Variants in ADGRL3 observed in about 807,000 individuals in gnomAD.
ADGRL3 encodes the protein calcium-independent alpha-latrotoxin receptor 3.
ADGRL3 carries 62 observed loss-of-function variants against 153.5 expected under a neutral mutation model. The ratio of observed to expected loss-of-function variants is 0.40; its 90% CI spans 0.33 to 0.50. The LOEUF (loss-of-function observed/expected upper bound fraction) is 0.50, where lower values mean the gene tolerates loss of function less well. Ranked by LOEUF, ADGRL3 falls within the 20% of genes least tolerant of loss-of-function variation. The pLI is 0.47. For missense variants in ADGRL3, 1,641 were observed against 1,859.4 expected (o/e 0.88, Z 2.16); for synonymous variants, 710 against 672.5 (o/e 1.06, Z -0.86).
intron 8 of ADGRL3, among the ~76,000 whole-genome samples, chr4:61,769,304 G>A (rs1377188783): frequency 1.3e-5 from 2 of 152,068 alleles, no homozygotes; most frequent in African/African-American, 4.8e-5. Context: ...AGAGAAGGGA[G>A]AGATTGAAGT....
At chr4:61,281,099 C>A (rs1177250016) in intron 1 of ADGRL3, among the ~76,000 whole-genome samples, 1 of 151,768 alleles carries the variant, frequency 6.6e-6, no homozygotes, top group Non-Finnish European at 1.5e-5. Context: ...CATATATATA[C>A]ATATATATGC....
intron 8 of ADGRL3, among the ~76,000 whole-genome samples, chr4:61,797,355 T>C (rs950889252): frequency 6.6e-6 from 1 of 152,198 alleles, no homozygotes; most frequent in African/African-American, 2.4e-5. Context: ...AAGGTGTTTC[T>C]AAAGGATCCT....
intron 23 of ADGRL3, among the ~76,000 whole-genome samples, chr4:62,035,845 T>C (rs1465786152): frequency 1.3e-5 from 2 of 152,114 alleles, no homozygotes; most frequent in African/African-American, 4.8e-5. Flanking sequence ...TTTACTCTCA[T>C]TGCTTAACCC....
At position 61,830,870 on chromosome 4, in the gene ADGRL3, T is replaced by C. The variant is rs572656706; in HGVS notation, c.1480+16981T>C. Among the ~76,000 whole-genome samples, 9 of 152,280 alleles carry C rather than the reference T, an allele frequency of 5.9e-5. No homozygotes were observed. In the South Asian group the frequency reaches 1.9e-3, roughly 32 times the overall value. ...GACCTAGCTTTATTCCTCCTAGTTCTAGCTTTATTATTTTGTTTTATTTTA... is the reference window on the plus strand; with the variant it reads ...GACCTAGCTTTATTCCTCCTAGTTCCAGCTTTATTATTTTGTTTTATTTTA... On this transcript the variant is annotated intron_variant, in intron 9 of 26. Transcript: ENST00000683033.
At chr4:61,678,003 T>A (rs1497896) in intron 6 of ADGRL3, among the ~76,000 whole-genome samples, 55,651 of 151,862 alleles carry the variant, frequency 0.37, 11,717 homozygotes, top group Non-Finnish European at 0.49. Context: ...AAAGTTTATC[T>A]TGTGAAGTTT....
At chr4:61,488,549 G>A (rs1479883758) in intron 2 of ADGRL3, among the ~76,000 whole-genome samples, 1 of 151,936 alleles carries the variant, frequency 6.6e-6, no homozygotes, top group African/African-American at 2.4e-5. Context: ...CAAAGTTCTA[G>A]TGCAAGTGTC....
At chr4:61,575,133 T>C (rs181531867) in intron 4 of ADGRL3, among the ~76,000 whole-genome samples, 1 of 152,036 alleles carries the variant, frequency 6.6e-6, no homozygotes, top group African/African-American at 2.4e-5. Flanking sequence ...TTACTCTTTT[T>C]TGGTTTGAAT....
At chr4:61,677,518 T>G (rs1452947742) in intron 6 of ADGRL3, 1 of 160,180 alleles carries the variant, frequency 6.2e-6, no homozygotes, top group Non-Finnish European at 1.4e-5. Flanking sequence ...ACAACATGTC[T>G]TTTCTTCAGG....
chr4:61,373,651 T>A (rs577511172), intron 1 of ADGRL3, among the ~76,000 whole-genome samples: 1 of 152,324 alleles, frequency 6.6e-6, no homozygotes, highest in East Asian at 1.9e-4. Flanking sequence ...TTTCATAGTT[T>A]GCTGTTCTTT....
intron 5 of ADGRL3, among the ~76,000 whole-genome samples, chr4:61,597,904 A>T (rs965641053): frequency 1.3e-5 from 2 of 152,120 alleles, no homozygotes; most frequent in Non-Finnish European, 2.9e-5. Flanking sequence ...TTCATCAGTT[A>T]AAATCTTCTG....
intron 9 of ADGRL3, among the ~76,000 whole-genome samples, chr4:61,852,775 A>G (rs1273930586): frequency 6.6e-6 from 1 of 151,930 alleles, no homozygotes; most frequent in East Asian, 1.9e-4. Flanking sequence ...CTGAGTAGGT[A>G]TTTCTCTCCA....
At chr4:61,442,246 C>A (rs528083782) in intron 2 of ADGRL3, among the ~76,000 whole-genome samples, 2 of 152,188 alleles carry the variant, frequency 1.3e-5, no homozygotes, top group Admixed American at 6.5e-5. Context: ...AGGCATAAAT[C>A]GGAATATGAG....
intron 17 of ADGRL3, among the ~76,000 whole-genome samples, chr4:61,953,649 A>G (rs957196220): frequency 1.3e-5 from 2 of 152,194 alleles, no homozygotes; most frequent in African/African-American, 2.4e-5. Context: ...GGGAAGAAGG[A>G]CACAGAAGAG....
intron 2 of ADGRL3, among the ~76,000 whole-genome samples, chr4:61,394,525 A>G (rs1028542961): frequency 6.6e-6 from 1 of 152,022 alleles, no homozygotes. Flanking sequence ...TATTTGGCCC[A>G]GGAATACCAC....
At position 61,892,682 on chromosome 4, in the gene ADGRL3, A is replaced by T. The variant is rs1305582983; in HGVS notation, c.1507A>T (p.Met503Leu). The T allele has an allele frequency of 6.2e-7, 1 of 1,613,914 alleles. No homozygotes were observed. Among genetic ancestry groups the T allele is most frequent in the African/African-American group, 1.3e-5 (1 of 75,028 alleles). The stretch of plus-strand genomic sequence containing the variant: ...TATCTCTACCACAGGACCTCTTGGC[A>T]TGGGAAGCACTACCACCAGTACCAC... Reference protein sequence around the residue: ...KDISTTGPLGMGSTTTSTTLR... With the variant: ...KDISTTGPLGLGSTTTSTTLR... The change falls in exon 10 of 27, where the codon ATG becomes TTG. Residue 503 changes from methionine to leucine, a missense_variant. Physicochemically the swap from Met to Leu is conservative, Grantham distance 15 (BLOSUM62 2). This residue lies in a region of ADGRL3 where 734 missense variants were observed against 797.0 expected (regional missense o/e 0.92). Coordinates refer to ENST00000683033, the MANE Select transcript of ADGRL3 (RefSeq NM_001387552.1).
chr4:61,526,000 G>A (rs76678187), intron 4 of ADGRL3, among the ~76,000 whole-genome samples: 30 of 152,114 alleles, frequency 2.0e-4, no homozygotes, highest in Non-Finnish European at 2.9e-4. Flanking sequence ...TGAGATTGCC[G>A]AAGCAGGGGA....
At chr4:61,242,529 C>T (rs937433647) in intron 1 of ADGRL3, among the ~76,000 whole-genome samples, 1 of 151,926 alleles carries the variant, frequency 6.6e-6, no homozygotes, top group African/African-American at 2.4e-5. Flanking sequence ...CATTACATCC[C>T]CTATCTTTAT....
chr4:61,636,899 G>A (rs994889765), intron 5 of ADGRL3, among the ~76,000 whole-genome samples: 1 of 151,708 alleles, frequency 6.6e-6, no homozygotes, highest in Admixed American at 6.6e-5. Flanking sequence ...TGTGTTTATG[G>A]CATATATAAA....
intron 1 of ADGRL3, among the ~76,000 whole-genome samples, chr4:61,374,464 A>G (rs901344590): frequency 6.6e-6 from 1 of 151,818 alleles, no homozygotes; most frequent in Non-Finnish European, 1.5e-5. Flanking sequence ...TGTAAGTTAC[A>G]TTGGTTTGAT....
Sources: allele counts gnomAD v4.1 joint callset (sites outside exome capture counted in the v4.1 genomes callset), GRCh38; gene constraint gnomAD v4.1.1; regional missense constraint gnomAD v4.1.1; transcripts MANE v1.5; gene names NCBI Gene and HGNC (gene_info 2026-07-23, HGNC 2026-07-21).